Variants in KIAA0586 observed in about 807,000 individuals in gnomAD.
KIAA0586 encodes KIAA0586.
A neutral mutation model predicts 169.8 loss-of-function variants in KIAA0586; 144 were observed. The observed-to-expected ratio is 0.85, with a 90% CI of 0.74 to 0.97. The LOEUF (loss-of-function observed/expected upper bound fraction) is 0.97. Among genes scored for constraint, KIAA0586 ranks in the 50% least tolerant of loss-of-function variants. The pLI is 0.00. For missense variants in KIAA0586, 1,854 were observed against 1,823.0 expected, an observed-to-expected ratio of 1.02 and a Z score of -0.31; for synonymous variants, 625 against 612.4, an observed-to-expected ratio of 1.02 and a Z score of -0.30.
chr14:58,532,045 G>A (rs1172924852), intron 29 of KIAA0586, among the ~76,000 whole-genome samples: 1 of 150,932 alleles, frequency 6.6e-6, no homozygotes, highest in Non-Finnish European at 1.5e-5. Flanking sequence ...GGGGGTGGGG[G>A]ATAGGGGAGG....
intron 4 of KIAA0586, among the ~76,000 whole-genome samples, chr14:58,442,302 G>T (rs981484991): frequency 1.1e-4 from 17 of 151,978 alleles, no homozygotes; most frequent in African/African-American, 3.4e-4. Flanking sequence ...TAGAGACGGG[G>T]TTTCGCCACG....
At chr14:58,483,132 T>C (rs2042149540) in intron 21 of KIAA0586, among the ~76,000 whole-genome samples, 1 of 148,018 alleles carries the variant, frequency 6.8e-6, no homozygotes, top group Non-Finnish European at 1.5e-5. Context: ...CAGTTGGCCC[T>C]GTAAAACCAA....
rs770590086 is a variant in KIAA0586 at position 58,456,807 on chromosome 14, C to G, written c.1359C>G (p.Val453=). The change falls in exon 10 of 31, where the codon GTC becomes GTG. Residue 453 remains valine, a synonymous_variant. Transcript: ENST00000652326. ...AAGAGAAAGAAACAAATAGCATGGTCCAGGTAAAGTGGGAATGGTCTTAAA... is the reference window on the plus strand; with the variant it reads ...AAGAGAAAGAAACAAATAGCATGGTGCAGGTAAAGTGGGAATGGTCTTAAA... ...GQKEKETNSM[V]QPKESLSMLK... 1 of 1,541,192 alleles carries G rather than the reference C, an allele frequency of 6.5e-7. No homozygotes were observed. The highest frequency in any genetic ancestry group is 8.9e-7 in the Non-Finnish European group (1 of 1,122,608).
Position 58,486,024 on chromosome 14 carries a change from G to A in KIAA0586, c.3145-983G>A, listed in dbSNP as rs554788902. 1.2e-4 allele frequency among the ~76,000 whole-genome samples: 19 copies of A among 152,224 alleles called. 1 individual carries two copies. In the South Asian group the frequency reaches 3.5e-3, roughly 28 times the overall value. On this transcript the variant is annotated intron_variant, in intron 21 of 30. Coordinates refer to ENST00000652326, the MANE Select transcript of KIAA0586 (RefSeq NM_001329943.3). ...GTATAGGGGGTACATGTGTGGGATT[G>A]TTATATGGATATACTGGACCCAGGT...
At chr14:58,436,568 G>T (rs950387438) in intron 4 of KIAA0586, among the ~76,000 whole-genome samples, 1 of 152,006 alleles carries the variant, frequency 6.6e-6, no homozygotes, top group African/African-American at 2.4e-5. Flanking sequence ...GTTATTTTGA[G>T]AATAAGTGGT....
At chr14:58,443,917 A>T in intron 5 of KIAA0586, 37 bp from the exon 6 acceptor site, 1 of 1,276,242 alleles carries the variant, frequency 7.8e-7, no homozygotes, top group Non-Finnish European at 1.1e-6. Context: ...TTGGTATCCT[A>T]TAATGTGAAT....
At chr14:58,447,914 A>G (rs949580750) in intron 6 of KIAA0586, among the ~76,000 whole-genome samples, 5 of 152,226 alleles carry the variant, frequency 3.3e-5, no homozygotes, top group African/African-American at 4.8e-5. Flanking sequence ...AATGATTTTC[A>G]AACCTTGACC....
chr14:58,435,212 A>G (rs530149660), intron 4 of KIAA0586, among the ~76,000 whole-genome samples: 2 of 152,346 alleles, frequency 1.3e-5, no homozygotes, highest in Non-Finnish European at 2.9e-5. Flanking sequence ...GCTCTTAACC[A>G]TTGCGCCACT....
At chr14:58,444,901 A>T (rs1178181094) in intron 6 of KIAA0586, among the ~76,000 whole-genome samples, 2 of 142,202 alleles carry the variant, frequency 1.4e-5, no homozygotes, top group Non-Finnish European at 3.0e-5. Flanking sequence ...ATGTAGCAAG[A>T]CCTCATCTCT....
intron 17 of KIAA0586, 60 bp from the exon 18 acceptor site, chr14:58,472,138 AT>A: frequency 1.2e-6 from 1 of 818,898 alleles, no homozygotes; most frequent in Non-Finnish European, 1.9e-6. Flanking sequence ...AATATGATAA[AT>A]TACTTATAAA....
chr14:58,439,017 C>A (rs946602263), intron 4 of KIAA0586, among the ~76,000 whole-genome samples: 1 of 152,080 alleles, frequency 6.6e-6, no homozygotes, highest in African/African-American at 2.4e-5. Context: ...GGTGATGAAA[C>A]CTTACGGTTG....
At chr14:58,465,373 A>G (rs544389488) in intron 14 of KIAA0586, among the ~76,000 whole-genome samples, 251 of 152,352 alleles carry the variant, frequency 1.6e-3, no homozygotes, top group African/African-American at 5.7e-3. Flanking sequence ...GTACCTATGG[A>G]AAAAAATTTA....
Position 58,451,058 on chromosome 14 carries a change from G to A in KIAA0586, c.1129+312G>A, listed in dbSNP as rs373709540. Reference sequence around the variant, plus strand: ...GGCTGGAGTGCAGTGGTGCGATCTCGGCTCACTGCAAGCTCCGCCTCCCGG... The same window carrying A: ...GGCTGGAGTGCAGTGGTGCGATCTCAGCTCACTGCAAGCTCCGCCTCCCGG... On this transcript the variant is annotated intron_variant, in intron 8 of 30. Transcript: ENST00000652326. 5.4e-4 allele frequency among the ~76,000 whole-genome samples: 80 copies of A among 147,542 alleles called. No individual in the cohort carries two copies. In the East Asian group the frequency reaches 0.014, roughly 25 times the overall value.
chr14:58,528,822 A>G (rs1177004631), intron 29 of KIAA0586, among the ~76,000 whole-genome samples: 1 of 152,206 alleles, frequency 6.6e-6, no homozygotes, highest in African/African-American at 2.4e-5. Flanking sequence ...AACAAATTCA[A>G]AAGCTAGCGG....
At chr14:58,439,836 G>A in intron 4 of KIAA0586, 1 of 984,598 alleles carries the variant, frequency 1.0e-6, no homozygotes, top group Non-Finnish European at 1.2e-6. Context: ...TCCAGCAGCT[G>A]GAGATGGAAT....
intron 22 of KIAA0586, 64 bp from the exon 23 acceptor site, chr14:58,487,823 G>C (rs1205692333): frequency 2.1e-5 from 21 of 1,002,490 alleles, no homozygotes; most frequent in Non-Finnish European, 3.0e-5. Context: ...AATGTATCAT[G>C]CCATCCTATG....
chr14:58,532,471 CAT>C (rs1166865428), intron 29 of KIAA0586, among the ~76,000 whole-genome samples: 1 of 152,136 alleles, frequency 6.6e-6, no homozygotes, highest in African/African-American at 2.4e-5. Flanking sequence ...TCTTATATCT[CAT>C]ATACCATAGT....
intron 25 of KIAA0586, among the ~76,000 whole-genome samples, chr14:58,491,732 G>A (rs2042845846): frequency 1.3e-5 from 2 of 152,198 alleles, no homozygotes; most frequent in African/African-American, 4.8e-5. Flanking sequence ...TTTTGCTTGT[G>A]GTCCAAGTTG....
Position 58,444,071 on chromosome 14 carries a change from CAA to C in KIAA0586, c.704_705del (p.Gln235ArgfsTer7), listed in dbSNP as rs770566897. 2.4e-5 allele frequency: 39 copies of C among 1,613,226 alleles called. No homozygotes were observed. Among genetic ancestry groups the C allele is most frequent in the African/African-American group, 6.7e-5 (5 of 74,898 alleles). ...GCAGCAAACAAGCATTCAGAGGAAA[CAA>C]GAGAAATTACATTGTCATGATCACG... ...TEQQTSIQRKQEKLHCHDHEK... is the reference protein window; with the variant it reads ...TEQQTSIQRKXEKLHCHDHEK... On this transcript the variant is annotated frameshift_variant, in exon 6 of 31. Coordinates refer to ENST00000652326, the MANE Select transcript of KIAA0586 (RefSeq NM_001329943.3). LOFTEE classifies it high-confidence loss of function.
Sources: allele counts gnomAD v4.1 joint callset (sites outside exome capture counted in the v4.1 genomes callset), GRCh38; gene constraint gnomAD v4.1.1; transcripts MANE v1.5; gene names NCBI Gene and HGNC (gene_info 2026-07-23, HGNC 2026-07-21).